The following MARK1 variants were observed in gnomAD, a reference collection of about 807,000 sequenced individuals.
MARK1 encodes serine/threonine-protein kinase MARK1.
A neutral mutation model predicts 96.3 loss-of-function variants in MARK1; 40 were observed. The ratio of observed to expected loss-of-function variants is 0.42; its 90% confidence interval spans 0.32 to 0.54. The LOEUF (loss-of-function observed/expected upper bound fraction) is 0.54, where lower values mean the gene tolerates loss of function less well. MARK1 is among the 20% of genes least tolerant of loss of function. The pLI is 0.16. For missense variants in MARK1, 719 were observed against 984.6 expected, an observed-to-expected ratio of 0.73 and a Z score of 3.61; for synonymous variants, 317 against 341.2, an observed-to-expected ratio of 0.93 and a Z score of 0.78.
chr1:220,530,233 G>T (rs1660224783), intron 1 of MARK1, among the ~76,000 whole-genome samples: 1 of 148,940 alleles, frequency 6.7e-6, no homozygotes, highest in Non-Finnish European at 1.5e-5. Flanking sequence ...GCATTTAAAT[G>T]GGAAAGATAG....
chr1:220,635,247 A>G, intron 11 of MARK1, 129 bp from the exon 12 acceptor site: 2 of 864,506 alleles, frequency 2.3e-6, no homozygotes, highest in African/African-American at 3.4e-5. Context: ...CCAATACTAC[A>G]CTGTTTTTTC....
chr1:220,582,917 T>C (rs1024297862), intron 3 of MARK1, among the ~76,000 whole-genome samples: 2 of 152,200 alleles, frequency 1.3e-5, no homozygotes, highest in African/African-American at 4.8e-5. Context: ...ACTGTGTGTG[T>C]GATTGTTTTT....
chr1:220,564,407 G>A (rs1662899984), intron 1 of MARK1, among the ~76,000 whole-genome samples: 1 of 152,146 alleles, frequency 6.6e-6, no homozygotes. Context: ...TGTTTGGTAT[G>A]AGACAAATGA....
At chr1:220,536,343 G>A (rs1337713197) in intron 1 of MARK1, among the ~76,000 whole-genome samples, 1 of 150,184 alleles carries the variant, frequency 6.7e-6, no homozygotes, top group Non-Finnish European at 1.5e-5. Flanking sequence ...TCTTGTTCTT[G>A]GTCTTAAAGG....
chr1:220,601,298 CT>C lies in MARK1; in HGVS notation c.424+1449del, dbSNP rs5781182. Among the ~76,000 whole-genome samples, 791 of 134,638 alleles carry C rather than the reference CT, an allele frequency of 5.9e-3. 5 individuals are homozygous for C. Among genetic ancestry groups the C allele is most frequent in the African/African-American group, 0.015 (551 of 35,760 alleles). 88.3% of individuals were successfully genotyped at this position (134,638 alleles called of 152,430 possible). ...GTTTATACAGATTGAATATTTTAGTCTTTTTTTTTTTTTTGCAAAACTTTTG... is the reference window on the plus strand; with the variant it reads ...GTTTATACAGATTGAATATTTTAGTCTTTTTTTTTTTTTGCAAAACTTTTG... On this transcript the variant is annotated intron_variant, in intron 5 of 17. Transcript: ENST00000366917.
intron 1 of MARK1, among the ~76,000 whole-genome samples, chr1:220,538,076 G>T (rs1223016740): frequency 6.6e-6 from 1 of 152,084 alleles, no homozygotes; most frequent in East Asian, 1.9e-4. Context: ...AAGCTCTTTA[G>T]TTTAATTAGA....
chr1:220,582,676 G>A (rs1475430577), intron 3 of MARK1, among the ~76,000 whole-genome samples: 1 of 152,154 alleles, frequency 6.6e-6, no homozygotes, highest in Non-Finnish European at 1.5e-5. Context: ...TCCCAAGGTT[G>A]TATAAACAAA....
At chr1:220,633,106 C>T (rs1182052445) in intron 11 of MARK1, among the ~76,000 whole-genome samples, 1 of 152,036 alleles carries the variant, frequency 6.6e-6, no homozygotes, top group Non-Finnish European at 1.5e-5. Flanking sequence ...CCAGATCTAG[C>T]GTGAACCCGT....
chr1:220,614,402 G>T (rs562820559), intron 6 of MARK1, among the ~76,000 whole-genome samples: 1 of 152,124 alleles, frequency 6.6e-6, no homozygotes, highest in South Asian at 2.1e-4. Context: ...TTCAAGGATG[G>T]CTTAGACCAA....
chr1:220,610,819 G>T (rs186552186), intron 6 of MARK1, among the ~76,000 whole-genome samples: 1 of 152,294 alleles, frequency 6.6e-6, no homozygotes, highest in African/African-American at 2.4e-5. Flanking sequence ...TTCCTCAGCT[G>T]CAGGTCTGTT....
In MARK1 at chr1:220,650,644, A is replaced by G. The variant is rs1222688899; in HGVS notation, c.1495A>G (p.Met499Val). The G allele has an allele frequency of 6.2e-7, 1 of 1,611,076 alleles. No homozygotes were observed. The highest frequency in any genetic ancestry group is 1.1e-5 in the South Asian group (1 of 90,852). ...GAACAATGTGTATTCTGGAGGTAGC[A>G]TGGCAAGAAGGAATACATATGTCTG... ...PSNNVYSGGSMARRNTYVCER... is the reference protein window; with the variant it reads ...PSNNVYSGGSVARRNTYVCER... Residue 499 changes from methionine to valine, a missense_variant, in exon 14 of 18, where the codon ATG (methionine) becomes GTG (valine). Physicochemically the swap from Met to Val is conservative, Grantham distance 21. Around this residue, in one of 4 missense-constraint regions of MARK1, gnomAD observed 501 missense variants for 588.3 expected, o/e 0.85. Coordinates refer to ENST00000366917, the MANE Select transcript of MARK1 (RefSeq NM_018650.5).
intron 6 of MARK1, among the ~76,000 whole-genome samples, chr1:220,612,285 C>T (rs1666489150): frequency 6.6e-6 from 1 of 152,158 alleles, no homozygotes; most frequent in Non-Finnish European, 1.5e-5. Context: ...AGCTTTCCAT[C>T]TTTGCTGGTG....
intron 4 of MARK1, among the ~76,000 whole-genome samples, chr1:220,599,498 G>C (rs1316531800): frequency 6.6e-6 from 1 of 151,826 alleles, no homozygotes; most frequent in East Asian, 1.9e-4. Context: ...TTTAAATTCT[G>C]TTTTTCTGAT....
rs1365446821 is a variant in MARK1 at position 220,653,348 on chromosome 1, C to T, written c.1984C>T (p.Arg662Cys). ...AAGCAAAATCACATCCAAATTTGTT[C>T]GCAGGTCAGTACCAATGTACTGTCG... The part of the protein sequence containing the change: ...IISKITSKFV[R>C]RDPSEGEASG... Residue 662 changes from arginine (R) to cysteine (C), a missense_variant, in exon 16 of 18, where the codon CGC becomes TGC. By Grantham distance (180) the Arg-to-Cys change is radical (BLOSUM62 -3). Around this residue, in one of 4 missense-constraint regions of MARK1, gnomAD observed 501 missense variants for 588.3 expected, o/e 0.85. Transcript: ENST00000366917. 19 of 1,614,020 alleles carry T rather than the reference C, an allele frequency of 1.2e-5. No individual in the cohort carries two copies. Among genetic ancestry groups the T allele is most frequent in the Non-Finnish European group, 1.4e-5 (17 of 1,180,024 alleles).
intron 7 of MARK1, among the ~76,000 whole-genome samples, chr1:220,617,535 CAT>C (rs1305171246): frequency 3.9e-5 from 6 of 152,110 alleles, no homozygotes; most frequent in African/African-American, 9.7e-5. Flanking sequence ...TAAAATAAAA[CAT>C]GTACAAAAGC....
At chr1:220,573,363 G>A (rs139559041) in intron 1 of MARK1, among the ~76,000 whole-genome samples, 2,360 of 151,834 alleles carry the variant, frequency 0.016, 34 homozygotes, top group Middle Eastern at 0.044. Context: ...TCGCTTTGTC[G>A]CCCAGGCTGG....
intron 3 of MARK1, among the ~76,000 whole-genome samples, chr1:220,592,679 T>C (rs372853815): frequency 6.6e-6 from 1 of 152,306 alleles, no homozygotes; most frequent in East Asian, 1.9e-4. Context: ...GAAATTAATA[T>C]ATAAACTATT....
At chr1:220,623,729 T>C (rs2102984809) in intron 9 of MARK1, among the ~76,000 whole-genome samples, 1 of 152,364 alleles carries the variant, frequency 6.6e-6, no homozygotes, top group African/African-American at 2.4e-5. Flanking sequence ...TGTCCACCTA[T>C]TGTATTTTTT....
At chr1:220,581,738 G>A (rs1664254817) in intron 3 of MARK1, among the ~76,000 whole-genome samples, 1 of 152,096 alleles carries the variant, frequency 6.6e-6, no homozygotes, top group African/African-American at 2.4e-5. Context: ...TTCTTTAAAG[G>A]ATTGAAAATA....
Sources: gnomAD v4.1 joint callset for allele counts (sites outside exome capture counted in the v4.1 genomes callset) on GRCh38, gnomAD v4.1.1 for gene constraint, gnomAD v4.1.1 regional missense constraint, MANE v1.5 for transcripts, NCBI Gene and HGNC (gene_info 2026-07-23, HGNC 2026-07-21) for gene names.